The following CCDC144A variants were observed in gnomAD, a reference collection of about 807,000 sequenced individuals.
The protein encoded by CCDC144A is coiled-coil domain-containing protein 144A.
Under a neutral mutation model 143.8 loss-of-function variants are expected in CCDC144A, and 41 were observed. The observed-to-expected ratio is 0.29, with a 90% confidence interval of 0.22 to 0.37. The LOEUF (loss-of-function observed/expected upper bound fraction) is 0.37, where lower values mean the gene tolerates loss of function less well. CCDC144A is among the 10% of genes least tolerant of loss of function. CCDC144A has a pLI of 1.00. For synonymous variants in CCDC144A, 242 were observed against 517.9 expected (o/e 0.47, Z 7.23); for missense variants, 637 against 1,488.8 (o/e 0.43, Z 9.41).
At chr17:16,688,279 T>A (rs1910851306), upstream of CCDC144A, among the ~76,000 whole-genome samples, 1 of 151,872 alleles carries the variant, frequency 6.6e-6, no homozygotes, top group South Asian at 2.1e-4. Flanking sequence ...CCGCTGCCCG[T>A]GTGCAGCTTT....
At chr17:16,683,375 CTCTCTTTG>C in the CCDC144A span, 3 of 663,160 alleles carry the variant, frequency 4.5e-6, no homozygotes, top group Non-Finnish European at 7.8e-6. Context: ...TTTAGGACAA[CTCTCTTTG>C]TAAAATTAGT....
chr17:16,705,028 A>T (rs1911966178), intron 2 of CCDC144A, 123 bp from the exon 3 acceptor site: 5 of 789,332 alleles, frequency 6.3e-6, no homozygotes, highest in African/African-American at 1.7e-5. Context: ...CTGAATGCAT[A>T]GTGTGTTGTG....
chr17:16,677,771 C>G, the CCDC144A span, among the ~76,000 whole-genome samples: 1 of 150,766 alleles, frequency 6.6e-6, no homozygotes, highest in African/African-American at 2.4e-5. Flanking sequence ...CATGCCACTG[C>G]ACTCCAGCCT....
intron 8 of CCDC144A, among the ~76,000 whole-genome samples, chr17:16,724,308 C>A (rs1409443071): frequency 6.6e-6 from 1 of 151,870 alleles, no homozygotes; most frequent in Non-Finnish European, 1.5e-5. Flanking sequence ...GAGGCTGAGG[C>A]GGATGGATCA....
chr17:16,674,120 T>C, the CCDC144A span, among the ~76,000 whole-genome samples: 1 of 152,070 alleles, frequency 6.6e-6, no homozygotes, highest in South Asian at 2.1e-4. Context: ...TTAGAAAGTG[T>C]TTCAACCTTT....
intron 12 of CCDC144A, among the ~76,000 whole-genome samples, chr17:16,744,987 G>T (rs995678941): frequency 3.9e-5 from 6 of 151,904 alleles, no homozygotes; most frequent in Non-Finnish European, 8.8e-5. Flanking sequence ...AAACCGTAAT[G>T]GTTACAAACC....
At chr17:16,748,894 G>A (rs569490298) in intron 12 of CCDC144A, among the ~76,000 whole-genome samples, 1 of 152,186 alleles carries the variant, frequency 6.6e-6, no homozygotes, top group African/African-American at 2.4e-5. Context: ...TAGTCTCTGA[G>A]GATCTTTTGT....
intron 12 of CCDC144A, among the ~76,000 whole-genome samples, chr17:16,749,558 A>T (rs544566559): frequency 6.6e-6 from 1 of 152,322 alleles, no homozygotes; most frequent in Non-Finnish European, 1.5e-5. Context: ...AAAAAAGTGT[A>T]TTCTGTAGTT....
chr17:16,687,574 T>C (rs186440594), upstream of CCDC144A, among the ~76,000 whole-genome samples: 1 of 152,272 alleles, frequency 6.6e-6, no homozygotes, highest in Non-Finnish European at 1.5e-5. Context: ...CCATGTTCTC[T>C]TCCCTGCTGC....
At chr17:16,772,276 A>G (rs1193493162) in intron 16 of CCDC144A, among the ~76,000 whole-genome samples, 2 of 152,152 alleles carry the variant, frequency 1.3e-5, no homozygotes, top group South Asian at 2.1e-4. Flanking sequence ...TGCCATCCCT[A>G]TGGAATTGTC....
At chr17:16,746,476 A>G (rs1914525759) in intron 12 of CCDC144A, 1 of 1,613,324 alleles carries the variant, frequency 6.2e-7, no homozygotes, top group Non-Finnish European at 8.5e-7. Flanking sequence ...CCCCCAGCAG[A>G]GTCTCAGGGT....
chr17:16,667,320 A>AGGCGGCTGAGGCGGCTGAGG, the CCDC144A span, among the ~76,000 whole-genome samples: 1 of 102,038 alleles, frequency 9.8e-6, no homozygotes, highest in African/African-American at 3.7e-5. Context: ...GGGGCTGAGG[A>AGGCGGCTGAGGCGGCTGAGG]GGCTGAGGAG....
intron 2 of CCDC144A, among the ~76,000 whole-genome samples, chr17:16,695,871 T>C (rs1484819221): frequency 6.6e-6 from 1 of 152,050 alleles, no homozygotes; most frequent in Non-Finnish European, 1.5e-5. Flanking sequence ...GGGCAGAAGA[T>C]TGTGTGTTTG....
chr17:16,774,433 C>G lies in CCDC144A; in HGVS notation c.*800C>G, dbSNP rs1302693630. ...TTCTTTGTAGCAGAAGGATCCCATT[C>G]AGGTCCATGAATTTCATTTAGTTGT... On this transcript the variant is annotated 3_prime_UTR_variant, in exon 17 of 17. Transcript: ENST00000399273. The G allele has an allele frequency of 7.4e-6, 1 of 135,108 alleles. No homozygotes were observed. The highest frequency in any genetic ancestry group is 3.1e-5 in the African/African-American group (1 of 32,130). 8.4% of individuals were successfully genotyped at this position (135,108 alleles called of 1,614,324 possible). A position where few individuals can be genotyped will look rare whatever the true frequency, so the allele number is the denominator to read the frequency against.
chr17:16,746,271 C>CTT (rs141884494), intron 12 of CCDC144A: 122,639 of 767,300 alleles, frequency 0.16, 2,733 homozygotes, highest in Admixed American at 0.18. Flanking sequence ...CTCTCTCTCT[C>CTT]TTTTTTTTTT....
intron 15 of CCDC144A, among the ~76,000 whole-genome samples, chr17:16,769,514 T>A (rs1381993687): frequency 6.6e-6 from 1 of 152,220 alleles, no homozygotes; most frequent in South Asian, 2.1e-4. Context: ...ACAACATGGA[T>A]AATTGACTTG....
At chr17:16,678,588 T>TCTTTC in the CCDC144A span, among the ~76,000 whole-genome samples, 46 of 144,162 alleles carry the variant, frequency 3.2e-4, no homozygotes, top group South Asian at 1.6e-3. Flanking sequence ...TTCTTTTCTT[T>TCTTTC]TTTTTTTTTT....
chr17:16,747,397 G>A (rs1416821978), intron 12 of CCDC144A, among the ~76,000 whole-genome samples: 31 of 152,174 alleles, frequency 2.0e-4, no homozygotes, highest in Non-Finnish European at 2.8e-4. Flanking sequence ...TGGGTGTTTG[G>A]GCTCTTTTCT....
intron 6 of CCDC144A, among the ~76,000 whole-genome samples, chr17:16,713,780 A>ATATATTTT (rs1912584041): frequency 6.6e-6 from 1 of 152,226 alleles, no homozygotes; most frequent in Non-Finnish European, 1.5e-5. Context: ...AAAATATAGT[A>ATATATTTT]TATAGTTATA....
Sources: gnomAD v4.1 joint callset for allele counts (sites outside exome capture counted in the v4.1 genomes callset) on GRCh38, gnomAD v4.1.1 for gene constraint, MANE v1.5 for transcripts, NCBI Gene and HGNC (gene_info 2026-07-23, HGNC 2026-07-21) for gene names.